Variants in CYFIP2 observed in about 807,000 individuals in gnomAD.
CYFIP2 encodes cytoplasmic FMR1 interacting protein 2.
CYFIP2 carries 29 observed loss-of-function variants against 158.7 expected under a neutral mutation model. The observed-to-expected ratio is 0.18, with a 90% CI of 0.14 to 0.25. The LOEUF is 0.25. Ranked by LOEUF, CYFIP2 falls within the 10% of genes least tolerant of loss-of-function variation. CYFIP2 has a pLI of 1.00. For synonymous variants in CYFIP2, 585 were observed against 617.6 expected, an observed-to-expected ratio of 0.95 and a Z score of 0.78; for missense variants, 852 against 1,639.5, an observed-to-expected ratio of 0.52 and a Z score of 8.29.
intron 1 of CYFIP2, chr5:157,277,301 G>A (rs1004373530): frequency 5.3e-5 from 8 of 152,360 alleles, no homozygotes; most frequent in Non-Finnish European, 1.2e-4. Flanking sequence ...AAAGTGTTGG[G>A]GTTACAGGCA....
chr5:157,327,253 T>C (rs1172649268), intron 18 of CYFIP2, among the ~76,000 whole-genome samples: 1 of 152,208 alleles, frequency 6.6e-6, no homozygotes, highest in East Asian at 1.9e-4. Context: ...CGCTTTTAAA[T>C]GTGACTATCA....
chr5:157,274,129 TAAAAA>T (rs58939164), intron 1 of CYFIP2, among the ~76,000 whole-genome samples: 1 of 123,214 alleles, frequency 8.1e-6, no homozygotes. Flanking sequence ...AAACTCTGTG[TAAAAA>T]AAAAAAAAAA....
At chr5:157,279,746 A>G (rs76040983) in intron 1 of CYFIP2, among the ~76,000 whole-genome samples, 1,621 of 152,334 alleles carry the variant, frequency 0.011, 32 homozygotes, top group African/African-American at 0.035. Context: ...TAACTTTTAA[A>G]TATTTTATTA....
At chr5:157,362,701 T>C (rs1425716750) in intron 26 of CYFIP2, 11 of 152,234 alleles carry the variant, frequency 7.2e-5, no homozygotes, top group Non-Finnish European at 1.6e-4. Context: ...CCTGTCCATA[T>C]TTACACCGAA....
intron 26 of CYFIP2, among the ~76,000 whole-genome samples, chr5:157,368,854 A>G (rs1048353963): frequency 6.6e-6 from 1 of 151,312 alleles, no homozygotes; most frequent in Admixed American, 6.6e-5. Context: ...TTACCCTCCA[A>G]GCCCTCCAGT....
intron 1 of CYFIP2, among the ~76,000 whole-genome samples, chr5:157,278,962 ATTG>A (rs1756775996): frequency 6.6e-6 from 1 of 152,168 alleles, no homozygotes; most frequent in Non-Finnish European, 1.5e-5. Flanking sequence ...TTATTTTTCT[ATTG>A]TTGTGTTTTC....
Position 157,343,229 on chromosome 5 carries a change from C to T in CYFIP2, c.2673+2072C>T, listed in dbSNP as rs920942714. The T allele has an allele frequency of 2.5e-6, 4 of 1,614,072 alleles. No individual in the cohort carries two copies. In the African/African-American group the frequency reaches 5.3e-5, roughly 22 times the overall value. Reference sequence around the variant, plus strand: ...GATCTGGGGGTCTACCAGGGAGCTTCCAGGAGCCAGCGGACTCTTATCCAG... The same window carrying T: ...GATCTGGGGGTCTACCAGGGAGCTTTCAGGAGCCAGCGGACTCTTATCCAG... On this transcript the variant is annotated intron_variant, in intron 23 of 30. Coordinates refer to ENST00000620254, the MANE Select transcript of CYFIP2 (RefSeq NM_001037333.3).
chr5:157,329,124 C>A (rs1451607649), intron 19 of CYFIP2, among the ~76,000 whole-genome samples: 1 of 152,200 alleles, frequency 6.6e-6, no homozygotes, highest in Non-Finnish European at 1.5e-5. Flanking sequence ...GCAGCACACA[C>A]AAGTGTCTGT....
chr5:157,302,923 A>G (rs1462407921), intron 7 of CYFIP2, 33 bp downstream of exon 7: 1 of 1,532,480 alleles, frequency 6.5e-7, no homozygotes, highest in African/African-American at 1.4e-5. Flanking sequence ...GCCTGGCCTG[A>G]TGTCTCGGGG....
chr5:157,278,685 C>T (rs1256284352), intron 1 of CYFIP2, among the ~76,000 whole-genome samples: 1 of 152,084 alleles, frequency 6.6e-6, no homozygotes, highest in Non-Finnish European at 1.5e-5. Flanking sequence ...ATAAACCTTC[C>T]TTTTTTTGGT....
At chr5:157,392,790 C>G (rs757188675) in intron 30 of CYFIP2, 43 bp from the exon 31 acceptor site, 9 of 1,601,550 alleles carry the variant, frequency 5.6e-6, no homozygotes, top group Non-Finnish European at 7.7e-6. Flanking sequence ...TTTCCACCCC[C>G]ACTTTGTCCT....
intron 23 of CYFIP2, among the ~76,000 whole-genome samples, chr5:157,354,208 T>C (rs1174700579): frequency 6.6e-6 from 1 of 152,200 alleles, no homozygotes; most frequent in Non-Finnish European, 1.5e-5. Flanking sequence ...GTTTATTTCT[T>C]GAGATCTCAT....
chr5:157,373,039 C>T (rs760924276), intron 26 of CYFIP2, among the ~76,000 whole-genome samples: 13 of 152,154 alleles, frequency 8.5e-5, no homozygotes, highest in Non-Finnish European at 1.6e-4. Context: ...ACATTAACAG[C>T]AAAGGGGTCT....
chr5:157,372,061 C>T (rs748700183), intron 26 of CYFIP2, among the ~76,000 whole-genome samples: 2 of 152,128 alleles, frequency 1.3e-5, no homozygotes, highest in Non-Finnish European at 2.9e-5. Flanking sequence ...AAGGAGGGAT[C>T]GTTGAAGTTC....
chr5:157,302,297 G>A (rs937838488), intron 6 of CYFIP2, among the ~76,000 whole-genome samples: 7 of 152,148 alleles, frequency 4.6e-5, no homozygotes, highest in African/African-American at 1.4e-4. Flanking sequence ...CATCACCTGC[G>A]ATTCTGTGAG....
intron 13 of CYFIP2, 112 bp downstream of exon 13, chr5:157,315,206 T>C: frequency 7.1e-7 from 1 of 1,406,686 alleles, no homozygotes. Context: ...TTCGTGCTCT[T>C]CCCTGTCCTA....
intron 22 of CYFIP2, among the ~76,000 whole-genome samples, 155 bp from the exon 23 acceptor site, chr5:157,340,915 A>T (rs1285022659): frequency 6.6e-6 from 1 of 152,208 alleles, no homozygotes; most frequent in Non-Finnish European, 1.5e-5. Flanking sequence ...AGATGTCAGA[A>T]GAGTTTAGTA....
At chr5:157,338,929 C>A in intron 21 of CYFIP2, 128 bp from the exon 22 acceptor site, 1 of 843,806 alleles carries the variant, frequency 1.2e-6, no homozygotes, top group African/African-American at 1.7e-5. Flanking sequence ...GGTCCTAGTT[C>A]CCATGTAGAT....
At position 157,384,354 on chromosome 5, in the gene CYFIP2, G is replaced by T. The variant is rs1423099377; in HGVS notation, c.3207+995G>T. 1.8e-5 allele frequency: 8 copies of T among 456,714 alleles called. No individual in the cohort carries two copies. In the East Asian group the frequency reaches 4.2e-4, roughly 24 times the overall value. The allele number at this position is 456,714 out of a possible 1,614,324, so 28.3% of individuals were successfully genotyped here. Reference sequence around the variant, plus strand: ...GGGGGCAGGCAGGGGAAGAATTCTAGAAGAGAAACAGGGTATTCTAGTGAG... The same window carrying T: ...GGGGGCAGGCAGGGGAAGAATTCTATAAGAGAAACAGGGTATTCTAGTGAG... On this transcript the variant is annotated intron_variant, in intron 28 of 30. Transcript: ENST00000620254.
Sources: gnomAD v4.1 joint callset for allele counts (sites outside exome capture counted in the v4.1 genomes callset) on GRCh38, gnomAD v4.1.1 for gene constraint, MANE v1.5 for transcripts, NCBI Gene and HGNC (gene_info 2026-07-23, HGNC 2026-07-21) for gene names.